Variants in STYK1 observed in about 807,000 individuals in gnomAD.
STYK1 encodes STY kinase 1, also known as tyrosine-protein kinase STYK1.
STYK1 carries 46 observed loss-of-function variants against 48.1 expected under a neutral mutation model. That is an observed-to-expected ratio of 0.96 (90% CI 0.75 to 1.22). The LOEUF is 1.22. STYK1 is among the 50% of genes most tolerant of loss of function. The probability of loss-of-function intolerance (pLI) is 0.00; values close to 1 mark genes in which losing one functional copy is unlikely to be tolerated. For missense variants in STYK1, 527 were observed against 521.1 expected (o/e 1.01, Z -0.11); for synonymous variants, 188 against 189.0 (o/e 0.99, Z 0.04).
rs771590041 is a variant in STYK1 at position 10,631,286 on chromosome 12, A to C, written c.210T>G (p.Pro70=). ...GTCCTGCTTCCCAGCTTAGGTCCCT[A>C]GGTGGAGGAACAGGGGCAATGCCTA... ...GPQGIAPVPP[P]RDLSWEAGHG... Residue 70 remains proline, a synonymous_variant, in exon 5 of 11, where the codon CCT becomes CCG. Coordinates refer to ENST00000075503, the MANE Select transcript of STYK1 (RefSeq NM_018423.3). 6.2e-7 allele frequency: 1 copy of C among 1,614,162 alleles called. No homozygotes were observed. Among genetic ancestry groups the C allele is most frequent in the Non-Finnish European group, 8.5e-7 (1 of 1,180,002 alleles).
chr12:10,625,497 A>G (rs559037322), intron 7 of STYK1, among the ~76,000 whole-genome samples: 129 of 152,260 alleles, frequency 8.5e-4, no homozygotes, highest in Middle Eastern at 3.4e-3. Flanking sequence ...GATTACAGGC[A>G]TGAGCCACTG....
chr12:10,633,965 C>T, intron 4 of STYK1, 25 bp downstream of exon 4: 1 of 1,611,808 alleles, frequency 6.2e-7, no homozygotes, highest in Non-Finnish European at 8.5e-7. Context: ...TAAGCCCCTG[C>T]CCAGCCCCAA....
In STYK1 at chr12:10,671,216, G is replaced by C. The variant is rs1028769074; in HGVS notation, c.-195+2750C>G. 3.3e-5 allele frequency among the ~76,000 whole-genome samples: 5 copies of C among 151,826 alleles called. No individual in the cohort carries two copies. In the South Asian group the frequency reaches 8.3e-4, roughly 25 times the overall value. The stretch of plus-strand genomic sequence containing the variant: ...TCACTTTGTTAGCCAGGATGGTCTC[G>C]ATCTCCTGACCTCGTGATCCGCCCA... On this transcript the variant is annotated intron_variant, in intron 1 of 10. Transcript: ENST00000075503.
intron 1 of STYK1, among the ~76,000 whole-genome samples, chr12:10,665,588 A>G (rs1485217216): frequency 1.3e-5 from 2 of 152,164 alleles, no homozygotes; most frequent in African/African-American, 4.8e-5. Context: ...AGAACCAGGA[A>G]GAAGATCCTG....
At chr12:10,638,814 C>T (rs1947513181) in intron 1 of STYK1, among the ~76,000 whole-genome samples, 1 of 152,196 alleles carries the variant, frequency 6.6e-6, no homozygotes, top group Admixed American at 6.5e-5. Context: ...CATGATTGAA[C>T]TCAGTATAAC....
chr12:10,620,651 T>A (rs1865893684), intron 10 of STYK1, among the ~76,000 whole-genome samples: 1 of 152,252 alleles, frequency 6.6e-6, no homozygotes, highest in Non-Finnish European at 1.5e-5. Flanking sequence ...GTAAGCATTG[T>A]GCAGTAAAGT....
chr12:10,630,404 A>AAAAG (rs1947413345), intron 5 of STYK1, among the ~76,000 whole-genome samples: 1 of 150,434 alleles, frequency 6.6e-6, no homozygotes, highest in Non-Finnish European at 1.5e-5. Flanking sequence ...AAAAAAAGAA[A>AAAAG]AAAGAAATAT....
intron 1 of STYK1, among the ~76,000 whole-genome samples, chr12:10,652,705 T>G (rs1270923350): frequency 6.7e-6 from 1 of 149,386 alleles, no homozygotes; most frequent in Non-Finnish European, 1.5e-5. Context: ...TATCTTGTCT[T>G]AGATCACTAC....
At chr12:10,658,562 C>A (rs1947743618) in intron 1 of STYK1, among the ~76,000 whole-genome samples, 2 of 152,054 alleles carry the variant, frequency 1.3e-5, no homozygotes, top group East Asian at 1.9e-4. Context: ...GTGGTTAAAC[C>A]TTCAATATTT....
intron 1 of STYK1, among the ~76,000 whole-genome samples, chr12:10,664,627 G>A (rs1413357174): frequency 1.3e-5 from 2 of 152,134 alleles, no homozygotes; most frequent in Non-Finnish European, 2.9e-5. Context: ...CCGTCTGTTT[G>A]TAGATATCCT....
chr12:10,639,971 A>G (rs140272654), intron 1 of STYK1, among the ~76,000 whole-genome samples: 2 of 152,348 alleles, frequency 1.3e-5, no homozygotes, highest in African/African-American at 4.8e-5. Context: ...AAGGGTGTCC[A>G]TATAGGAACC....
At position 10,619,160 on chromosome 12, in the gene STYK1, T is replaced by G. The variant is rs1865865889; in HGVS notation, c.*984A>C. On this transcript the variant is annotated 3_prime_UTR_variant, in exon 11 of 11. Coordinates refer to ENST00000075503, the MANE Select transcript of STYK1 (RefSeq NM_018423.3). ...CTCCCTATGATATTTTTAGTAGTTATAAACCAGAAAAGCATATTTCCATTT... is the reference window on the plus strand; with the variant it reads ...CTCCCTATGATATTTTTAGTAGTTAGAAACCAGAAAAGCATATTTCCATTT... The G allele has an allele frequency of 6.6e-6, 1 of 152,224 alleles. No individual in the cohort carries two copies. Among genetic ancestry groups the G allele is most frequent in the African/African-American group, 2.4e-5 (1 of 41,470 alleles). 9.4% of individuals were successfully genotyped at this position (152,224 alleles called of 1,614,324 possible). A position where few individuals can be genotyped will look rare whatever the true frequency, so the allele number is the denominator to read the frequency against.
intron 1 of STYK1, among the ~76,000 whole-genome samples, chr12:10,666,759 T>C (rs34063434): frequency 0.3 from 45,277 of 152,170 alleles, 8,181 homozygotes; most frequent in African/African-American, 0.51. Context: ...TTCCTTCACA[T>C]GCTTTCTCTC....
intron 1 of STYK1, among the ~76,000 whole-genome samples, chr12:10,658,909 G>A (rs1947747380): frequency 6.6e-6 from 1 of 152,164 alleles, no homozygotes; most frequent in African/African-American, 2.4e-5. Flanking sequence ...ATGTCTGACT[G>A]TGGCTGCCCT....
At chr12:10,673,247 G>C (rs1196645946) in intron 1 of STYK1, among the ~76,000 whole-genome samples, 1 of 152,046 alleles carries the variant, frequency 6.6e-6, no homozygotes, top group Admixed American at 6.5e-5. Flanking sequence ...CGTGGTGGTG[G>C]GAGCCTGTAA....
At chr12:10,669,111 A>G (rs1459776139) in intron 1 of STYK1, among the ~76,000 whole-genome samples, 1 of 152,246 alleles carries the variant, frequency 6.6e-6, no homozygotes, top group African/African-American at 2.4e-5. Context: ...TGTCTGGCAT[A>G]TATCAGAATT....
intron 1 of STYK1, among the ~76,000 whole-genome samples, chr12:10,663,182 A>C (rs1306006607): frequency 6.6e-6 from 1 of 152,144 alleles, no homozygotes; most frequent in African/African-American, 2.4e-5. Context: ...TGGTGTGATC[A>C]GAGCTCATTG....
intron 5 of STYK1, among the ~76,000 whole-genome samples, chr12:10,630,718 C>T (rs1947416912): frequency 6.6e-6 from 1 of 151,876 alleles, no homozygotes; most frequent in Non-Finnish European, 1.5e-5. Context: ...AAAAACACTA[C>T]ACAAAGTACA....
intron 1 of STYK1, among the ~76,000 whole-genome samples, chr12:10,673,018 C>T (rs1205787974): frequency 1.3e-5 from 2 of 151,890 alleles, no homozygotes; most frequent in South Asian, 2.1e-4. Context: ...TACTTCCCAC[C>T]GAGTGGGAAG....
Sources: allele counts gnomAD v4.1 joint callset (sites outside exome capture counted in the v4.1 genomes callset), GRCh38; gene constraint gnomAD v4.1.1; transcripts MANE v1.5; gene names NCBI Gene and HGNC (gene_info 2026-07-23, HGNC 2026-07-21).